CEP78: variants seen among roughly 807,000 people sequenced by gnomAD.
CEP78 encodes the protein centrosomal protein 78.
In CEP78, 76 loss-of-function variants were observed where a neutral mutation model predicts 81.2. The ratio of observed to expected loss-of-function variants is 0.94; its 90% CI spans 0.78 to 1.13. The LOEUF is 1.13. CEP78 is among the 50% of genes most tolerant of loss of function. CEP78 has a pLI of 0.00. For synonymous variants in CEP78, 293 were observed against 301.4 expected, an observed-to-expected ratio of 0.97 and a Z score of 0.29; for missense variants, 918 against 846.8, an observed-to-expected ratio of 1.08 and a Z score of -1.04.
chr9:78,259,875 G>T (rs1004284828), intron 11 of CEP78, among the ~76,000 whole-genome samples: 1 of 152,214 alleles, frequency 6.6e-6, no homozygotes, highest in African/African-American at 2.4e-5. Context: ...AAGGAAGACA[G>T]TGCACATTTA....
rs1402239935 is a variant in CEP78, at chr9:78,271,784, A to G, written c.*933A>G. 1 of 151,852 alleles carries G rather than the reference A, an allele frequency of 6.6e-6. No individual in the cohort carries two copies. Among genetic ancestry groups the G allele is most frequent in the Non-Finnish European group, 1.5e-5 (1 of 67,986 alleles). The allele number at this position is 151,852 out of a possible 1,614,324, so 9.4% of individuals were successfully genotyped here. On this transcript the variant is annotated 3_prime_UTR_variant, in exon 17 of 17. Transcript: ENST00000643273. ...GATGGGATCACAGCTTATTGTAACC[A>G]TGAACCATTGGGCTTAAATTATCTT...
rs777459097 is a variant in CEP78, at chr9:78,254,841, AG to A, written c.1259del (p.Gly420ValfsTer4). On this transcript the variant is annotated frameshift_variant, in exon 11 of 17. Coordinates refer to ENST00000643273, the MANE Select transcript of CEP78 (RefSeq NM_001330691.3). LOFTEE classifies it high-confidence loss of function. ...RDICNQLQQP[G>X]FPVTVTVESP... ...TCTTGTCCTCTTTTTTTAAGCAACC[AG>A]GTTTTCCTGTGACTGTGACAGTAGA... 13 of 1,606,498 alleles carry A rather than the reference AG, an allele frequency of 8.1e-6. No individual in the cohort carries two copies.
intron 4 of CEP78, among the ~76,000 whole-genome samples, chr9:78,242,455 G>C (rs140884587): frequency 1.9e-4 from 29 of 152,274 alleles, no homozygotes; most frequent in Non-Finnish European, 3.7e-4. Context: ...TTAATAACTT[G>C]TGACCATGGG....
At position 78,265,492 on chromosome 9, in the gene CEP78, T is replaced by C. The variant is rs762574904; in HGVS notation, c.1746T>C (p.Asp582=). Reference sequence around the variant, plus strand: ...AAGAAGAAAAGAAGGCGCTTGAAGATGAAAAACCAGAACCGAAGCAGAATG... The same window carrying C: ...AAGAAGAAAAGAAGGCGCTTGAAGACGAAAAACCAGAACCGAAGCAGAATG... ...PPKEEKKALE[D]EKPEPKQNAL... Residue 582 remains aspartate, a synonymous_variant, in exon 14 of 17, where the codon GAT becomes GAC. Coordinates refer to ENST00000643273, the MANE Select transcript of CEP78 (RefSeq NM_001330691.3). 3.8e-6 allele frequency: 6 copies of C among 1,586,654 alleles called. No individual in the cohort carries two copies. The highest frequency in any genetic ancestry group is 5.1e-6 in the Non-Finnish European group (6 of 1,165,906).
intron 1 of CEP78, among the ~76,000 whole-genome samples, chr9:78,239,587 A>T (rs997463552): frequency 6.6e-6 from 1 of 152,168 alleles, no homozygotes; most frequent in Non-Finnish European, 1.5e-5. Context: ...CCTGTGAGGT[A>T]AAAGTGAACT....
At chr9:78,240,473 C>T in intron 3 of CEP78, 109 bp downstream of exon 3, 2 of 902,914 alleles carry the variant, frequency 2.2e-6, no homozygotes, top group Non-Finnish European at 3.5e-6. Context: ...GCCTCATATG[C>T]TTGTTCAAAC....
rs1271005113 is a variant in CEP78, at chr9:78,266,483, C to T, written c.1887C>T (p.Leu629=). Residue 629 remains leucine (L), a synonymous_variant, in exon 16 of 17, where the codon CTC becomes CTT. Transcript: ENST00000643273. ...GTGATGCTAGAATTCCTTTGCCTCTCGACTCCTTTCCTGTCCCAGTTTCTA... is the reference window on the plus strand; with the variant it reads ...GTGATGCTAGAATTCCTTTGCCTCTTGACTCCTTTCCTGTCCCAGTTTCTA... ...ITGDARIPLP[L]DSFPVPVSTP... 23 of 1,612,370 alleles carry T rather than the reference C, an allele frequency of 1.4e-5. No individual in the cohort carries two copies. The highest frequency in any genetic ancestry group is 4.5e-5 in the East Asian group (2 of 44,870).
rs1163857758 is a variant in CEP78, at chr9:78,241,807, T to C, written c.603+8T>C. 1 of 1,443,380 alleles carries C rather than the reference T, an allele frequency of 6.9e-7. No individual in the cohort carries two copies. The highest frequency in any genetic ancestry group is 2.3e-5 in the East Asian group (1 of 44,010). The allele number at this position is 1,443,380 out of a possible 1,614,324, so 89.4% of individuals were successfully genotyped here. ...ATGGCCAAGATCTTAAAGGTAACTT[T>C]ATGTTCCAACTTTCATGAAAATGTG... On this transcript the variant is annotated splice_region_variant and intron_variant, in intron 4 of 16. Coordinates refer to ENST00000643273, the MANE Select transcript of CEP78 (RefSeq NM_001330691.3).
chr9:78,246,755 C>T lies in CEP78; in HGVS notation c.865C>T (p.Leu289=), dbSNP rs770586355. ...TGAAACCAATACAACTCTGGTCGTTCTGGATATAAGAAAAAATCCACTCAT... is the reference window on the plus strand; with the variant it reads ...TGAAACCAATACAACTCTGGTCGTTTTGGATATAAGAAAAAATCCACTCAT... ...ALETNTTLVV[L]DIRKNPLIDH... is the part of the protein sequence containing the mutation. The change falls in exon 6 of 17, where the codon CTG becomes TTG. Residue 289 remains leucine (L), a synonymous_variant. Transcript: ENST00000643273. The T allele has an allele frequency of 6.2e-7, 1 of 1,602,770 alleles. No homozygotes were observed. Among genetic ancestry groups the T allele is most frequent in the South Asian group, 1.1e-5 (1 of 89,058 alleles).
chr9:78,236,836 A>T (rs1410754928), intron 1 of CEP78, among the ~76,000 whole-genome samples: 2 of 152,136 alleles, frequency 1.3e-5, no homozygotes, highest in Non-Finnish European at 2.9e-5. Flanking sequence ...TGCGCTGCTG[A>T]TGCCTGCAGA....
In CEP78 at chr9:78,240,147, G is replaced by C; in HGVS notation, c.378G>C (p.Glu126Asp). 1 of 1,594,630 alleles carries C rather than the reference G, an allele frequency of 6.3e-7. No individual in the cohort carries two copies. The highest frequency in any genetic ancestry group is 1.1e-5 in the South Asian group (1 of 87,628). The change falls in exon 2 of 17, where the codon GAG (glutamate) becomes GAC (aspartate). Residue 126 changes from glutamate to aspartate, a missense_variant. Physicochemically the swap from Glu to Asp is conservative, Grantham distance 45. Coordinates refer to ENST00000643273, the MANE Select transcript of CEP78 (RefSeq NM_001330691.3). ...TATCAAGTGTGCTAAAGAACCTGGA[G>C]CTAAATGGACTAATTCTGAGAGAGA... ...LSISSVLKNL[E>D]LNGLILRERD...
rs1827758637 is a variant in CEP78 at position 78,274,313 on chromosome 9, G to C, written c.*3462G>C. On this transcript the variant is annotated 3_prime_UTR_variant, in exon 17 of 17. Coordinates refer to ENST00000643273, the MANE Select transcript of CEP78 (RefSeq NM_001330691.3). ...CAGAACAGATTGGAGATTGCCAGGT[G>C]TTGGGGTTGGGAGGAGTTGATTACA... The C allele has an allele frequency of 6.6e-6, 1 of 152,272 alleles. No homozygotes were observed. The highest frequency in any genetic ancestry group is 1.5e-5 in the Non-Finnish European group (1 of 68,086). The allele number at this position is 152,272 out of a possible 1,614,324, so 9.4% of individuals were successfully genotyped here.
intron 3 of CEP78, among the ~76,000 whole-genome samples, 197 bp from the exon 4 acceptor site, chr9:78,241,499 T>C (rs1826226552): frequency 6.6e-6 from 1 of 152,212 alleles, no homozygotes; most frequent in Non-Finnish European, 1.5e-5. Context: ...AATTGAACTA[T>C]TGCAATAAAC....
intron 11 of CEP78, among the ~76,000 whole-genome samples, chr9:78,258,329 A>G (rs1362802148): frequency 6.6e-6 from 1 of 152,218 alleles, no homozygotes; most frequent in Non-Finnish European, 1.5e-5. Flanking sequence ...AGCTCTGCAT[A>G]TAGAACAGAA....
chr9:78,266,878 G>A, intron 16 of CEP78, 175 bp downstream of exon 16: 1 of 1,436,642 alleles, frequency 7.0e-7, no homozygotes, highest in South Asian at 1.5e-5. Flanking sequence ...AAAGAAAATA[G>A]AATAGTGACT....
chr9:78,245,880 C>G (rs1200375673), intron 5 of CEP78, among the ~76,000 whole-genome samples: 1 of 151,914 alleles, frequency 6.6e-6, no homozygotes, highest in African/African-American at 2.4e-5. Context: ...TATTCTAAAA[C>G]TAACAGTTTA....
intron 16 of CEP78, chr9:78,266,978 C>G: frequency 7.2e-7 from 1 of 1,393,356 alleles, no homozygotes; most frequent in Non-Finnish European, 9.3e-7. Flanking sequence ...TTCAAGAAAG[C>G]ATCCATTCTC....
rs201582252 is a variant in CEP78 at position 78,266,806 on chromosome 9, C to G, written c.2107+103C>G. The stretch of plus-strand genomic sequence containing the variant: ...CAGAAAAGCAAAGAAACTAGGGAAA[C>G]TAGTTCTTTGGTTAATGAACCAATT... On this transcript the variant is annotated intron_variant, in intron 16 of 16. Transcript: ENST00000643273. 4.0e-6 allele frequency: 6 copies of G among 1,511,478 alleles called. No homozygotes were observed. The East Asian group carries it at 1.4e-4, about 35-fold the overall frequency. The allele number at this position is 1,511,478 out of a possible 1,614,324, so 93.6% of individuals were successfully genotyped here.
In CEP78 at chr9:78,273,579, CAA is replaced by C. The variant is rs35518970; in HGVS notation, c.*2745_*2746del. Reference sequence around the variant, plus strand: ...CAAAACTCCGTCTCTACTAAAAATACAAAAAAAAAAAAAAAAAATTAGCTGGG... The same window carrying C: ...CAAAACTCCGTCTCTACTAAAAATACAAAAAAAAAAAAAAAATTAGCTGGG... On this transcript the variant is annotated 3_prime_UTR_variant, in exon 17 of 17. Coordinates refer to ENST00000643273, the MANE Select transcript of CEP78 (RefSeq NM_001330691.3). The C allele has an allele frequency of 3.9e-3, 460 of 116,808 alleles. No individual in the cohort carries two copies. Among genetic ancestry groups the C allele is most frequent in the African/African-American group, 0.012 (365 of 29,980 alleles). The allele number at this position is 116,808 out of a possible 1,614,324, so 7.2% of individuals were successfully genotyped here.
Sources: allele counts gnomAD v4.1 joint callset (sites outside exome capture counted in the v4.1 genomes callset), GRCh38; gene constraint gnomAD v4.1.1; transcripts MANE v1.5; gene names NCBI Gene and HGNC (gene_info 2026-07-23, HGNC 2026-07-21).